The following NANS variants were observed in gnomAD, a reference collection of about 807,000 sequenced individuals.
The protein encoded by NANS is N-acetylneuraminate synthase.
Under a neutral mutation model 33.3 loss-of-function variants are expected in NANS, and 29 were observed. That is an observed-to-expected ratio of 0.87 (90% CI 0.65 to 1.19). NANS has a LOEUF of 1.19. Ranked by LOEUF, NANS falls within the 50% of genes most tolerant of loss-of-function variation. The probability of loss-of-function intolerance (pLI) is 0.00; values close to 1 mark genes in which losing one functional copy is unlikely to be tolerated. For missense variants in NANS, 394 were observed against 461.1 expected, an observed-to-expected ratio of 0.85 and a Z score of 1.33; for synonymous variants, 163 against 177.2, an observed-to-expected ratio of 0.92 and a Z score of 0.64.
chr9:98,073,252 C>T (rs1829424095), intron 2 of NANS, among the ~76,000 whole-genome samples: 1 of 148,156 alleles, frequency 6.7e-6, no homozygotes, highest in South Asian at 2.1e-4. Context: ...CCCTGTTCTC[C>T]CCAGCTCATC....
chr9:98,074,586 G>A (rs1184421304), intron 2 of NANS: 3 of 152,324 alleles, frequency 2.0e-5, no homozygotes, highest in East Asian at 3.9e-4. Flanking sequence ...GGCTCCCCAG[G>A]AGGCGGCAAA....
At chr9:98,067,016 G>A (rs961032975) in intron 2 of NANS, among the ~76,000 whole-genome samples, 3 of 152,150 alleles carry the variant, frequency 2.0e-5, no homozygotes, top group Non-Finnish European at 2.9e-5. Context: ...CATACAATAT[G>A]TGGTCCTTCG....
chr9:98,059,625 G>A (rs2131618324), intron 1 of NANS, among the ~76,000 whole-genome samples: 2 of 152,156 alleles, frequency 1.3e-5, no homozygotes, highest in South Asian at 2.1e-4. Flanking sequence ...ATGTTGCCGA[G>A]GCTGGTCTTG....
chr9:98,059,329 AAGT>A (rs1462678543), intron 1 of NANS, among the ~76,000 whole-genome samples: 1 of 152,116 alleles, frequency 6.6e-6, no homozygotes, highest in Non-Finnish European at 1.5e-5. Context: ...GGCAGCCAAG[AAGT>A]TTTTAATAGC....
chr9:98,068,993 T>A (rs1395198023), intron 2 of NANS, among the ~76,000 whole-genome samples: 1 of 152,214 alleles, frequency 6.6e-6, no homozygotes, highest in African/African-American at 2.4e-5. Flanking sequence ...ACATAATTCA[T>A]ATACTGTATA....
Position 98,060,978 on chromosome 9 carries a change from C to T in NANS, c.329C>T (p.Thr110Ile), listed in dbSNP as rs1587903903. Residue 110 changes from threonine (T) to isoleucine (I), a missense_variant, in exon 2 of 6, where the codon ACT (threonine) becomes ATT (isoleucine). Transcript: ENST00000210444. ...GCCGAGGAGGTTGGGATCTTCTTCA[C>T]TGCCTCTGGCATGGATGAGGTGAGT... ...RYAEEVGIFFTASGMDEMAVE... is the reference protein window; with the variant it reads ...RYAEEVGIFFIASGMDEMAVE... The T allele has an allele frequency of 2.5e-6, 4 of 1,613,834 alleles. No individual in the cohort carries two copies. Among genetic ancestry groups the T allele is most frequent in the Non-Finnish European group, 2.5e-6 (3 of 1,180,026 alleles).
chr9:98,070,688 G>A (rs1008490806), intron 2 of NANS, among the ~76,000 whole-genome samples: 11 of 152,042 alleles, frequency 7.2e-5, no homozygotes, highest in African/African-American at 2.7e-4. Context: ...CCAAAGTGCT[G>A]GGATTACAGG....
intron 3 of NANS, among the ~76,000 whole-genome samples, chr9:98,077,735 A>C (rs940815866): frequency 6.6e-6 from 1 of 152,170 alleles, no homozygotes; most frequent in African/African-American, 2.4e-5. Flanking sequence ...GAAACAGGTC[A>C]TGATTATGAT....
At chr9:98,061,160 G>C (rs1587904067) in intron 2 of NANS, 163 bp downstream of exon 2, 5 of 652,170 alleles carry the variant, frequency 7.7e-6, no homozygotes, top group Non-Finnish European at 1.1e-5. Context: ...GAATCTGTGG[G>C]AAGGATGCCA....
At chr9:98,056,988 G>A (rs768283157) in intron 1 of NANS, 48 bp downstream of exon 1, 4 of 1,516,728 alleles carry the variant, frequency 2.6e-6, no homozygotes, top group South Asian at 1.3e-5. Context: ...CGGGAGGGGC[G>A]GGGCGGGGCC....
In NANS at chr9:98,056,958, G is replaced by C; in HGVS notation, c.132+18G>C. The C allele has an allele frequency of 2.6e-6, 4 of 1,562,952 alleles. No individual in the cohort carries two copies. The South Asian group carries it at 4.7e-5, about 18-fold the overall frequency. ...TGGCCAAGGTGAGGCGGCAGCTCCC[G>C]GGACCCGGGATTCGGGCGCCGGGAG... is the stretch of plus-strand genomic sequence containing the variant. On this transcript the variant is annotated intron_variant, in intron 1 of 5. Coordinates refer to ENST00000210444, the MANE Select transcript of NANS (RefSeq NM_018946.4).
intron 2 of NANS, chr9:98,074,859 A>C (rs1039038918): frequency 3.3e-5 from 5 of 152,210 alleles, no homozygotes; most frequent in South Asian, 2.1e-4. Flanking sequence ...TTCTTTAAAC[A>C]GAAAGCACTC....
chr9:98,077,056 C>A, intron 3 of NANS, 39 bp downstream of exon 3: 3 of 1,467,642 alleles, frequency 2.0e-6, no homozygotes, highest in African/African-American at 1.4e-5. Context: ...GAAGGGAGTC[C>A]AAACCTTCAT....
intron 5 of NANS, chr9:98,081,926 A>G (rs1298601560): frequency 2.6e-5 from 4 of 152,206 alleles, no homozygotes; most frequent in Non-Finnish European, 5.9e-5. Context: ...TAGACCAGAA[A>G]CCAGAGTAAG....
At chr9:98,065,870 T>A (rs981658400) in intron 2 of NANS, among the ~76,000 whole-genome samples, 2 of 152,112 alleles carry the variant, frequency 1.3e-5, no homozygotes, top group African/African-American at 2.4e-5. Context: ...TCTTCCTCAT[T>A]TTCTCTTGCT....
rs201808053 is a variant in NANS at position 98,060,224 on chromosome 9, A to AT, written c.133-549dup. Among the ~76,000 whole-genome samples the AT allele has an allele frequency of 1.8e-3, 278 of 151,542 alleles. 1 individual carries two copies. The highest frequency in any genetic ancestry group is 6.0e-3 in the African/African-American group (249 of 41,348). ...ATGCAAAACAAAGGAAAAAAGTCCCATTTTTTTTTCTTTTGGCATGTTAAG... is the reference window on the plus strand; with the variant it reads ...ATGCAAAACAAAGGAAAAAAGTCCCATTTTTTTTTTCTTTTGGCATGTTAAG... On this transcript the variant is annotated intron_variant, in intron 1 of 5. Transcript: ENST00000210444.
chr9:98,077,374 A>ATT (rs76602477), intron 3 of NANS, among the ~76,000 whole-genome samples: 2 of 141,390 alleles, frequency 1.4e-5, no homozygotes, highest in Non-Finnish European at 3.1e-5. Flanking sequence ...CTTTTTAAGA[A>ATT]TTTTTTTTTT....
At chr9:98,057,285 T>C (rs1381828462) in intron 1 of NANS, among the ~76,000 whole-genome samples, 3 of 152,162 alleles carry the variant, frequency 2.0e-5, no homozygotes, top group Non-Finnish European at 4.4e-5. Context: ...CCCTTTAACA[T>C]AGCCTTCAAG....
Position 98,073,836 on chromosome 9 carries a change from G to A in NANS, c.349-3082G>A, listed in dbSNP as rs115595452. Among the ~76,000 whole-genome samples the A allele has an allele frequency of 6.4e-3, 972 of 151,670 alleles. 6 individuals carry two copies. Among genetic ancestry groups the A allele is most frequent in the African/African-American group, 0.022 (919 of 41,028 alleles). ...ATTTTTTGTTTTGTCACCCAGGCTG[G>A]AGTGCAGTGACACGACCTCAGCTCA... On this transcript the variant is annotated intron_variant, in intron 2 of 5. Transcript: ENST00000210444.
Sources: gnomAD v4.1 joint callset for allele counts (sites outside exome capture counted in the v4.1 genomes callset) on GRCh38, gnomAD v4.1.1 for gene constraint, MANE v1.5 for transcripts, NCBI Gene and HGNC (gene_info 2026-07-23, HGNC 2026-07-21) for gene names.